The following BLTP3B variants were observed in gnomAD, a reference collection of about 807,000 sequenced individuals.
BLTP3B encodes the protein UHRF1 (ICBP90) binding protein 1-like.
chr12:100,138,705 AGCACAGTAT>A, the BLTP3B span, among the ~76,000 whole-genome samples: 1 of 152,252 alleles, frequency 6.6e-6, no homozygotes, highest in African/African-American at 2.4e-5. Context: ...CCTTGTGCAG[AGCACAGTAT>A]GCCCTTAGCC....
chr12:100,138,866 T>TACATAC, the BLTP3B span, among the ~76,000 whole-genome samples: 18 of 150,704 alleles, frequency 1.2e-4, no homozygotes, highest in Non-Finnish European at 2.2e-4. Context: ...CACATACACA[T>TACATAC]ACACACACAC....
the BLTP3B span, among the ~76,000 whole-genome samples, chr12:100,060,250 AT>A: frequency 6.6e-6 from 1 of 152,230 alleles, no homozygotes. Context: ...AACTGAAAAA[AT>A]GTTTTAATAT....
At chr12:100,102,887 AG>A in the BLTP3B span, 3 of 1,301,024 alleles carry the variant, frequency 2.3e-6, no homozygotes, top group Non-Finnish European at 3.2e-6. Context: ...ATAAACAATT[AG>A]ATTATTTATT....
At chr12:100,121,699 C>A in the BLTP3B span, among the ~76,000 whole-genome samples, 10 of 152,024 alleles carry the variant, frequency 6.6e-5, no homozygotes, top group African/African-American at 2.2e-4. Flanking sequence ...CGTGGTGGCG[C>A]CCGCCTATAA....
chr12:100,141,760 A>G, the BLTP3B span, among the ~76,000 whole-genome samples: 1 of 152,190 alleles, frequency 6.6e-6, no homozygotes, highest in Non-Finnish European at 1.5e-5. Flanking sequence ...GTGTCTTGAG[A>G]CAAACACGGA....
chr12:100,068,672 G>T, the BLTP3B span, among the ~76,000 whole-genome samples: 2 of 151,898 alleles, frequency 1.3e-5, no homozygotes, highest in African/African-American at 4.8e-5. Flanking sequence ...CACCAAAAAG[G>T]GATTGATGGC....
At chr12:100,075,397 G>A in the BLTP3B span, among the ~76,000 whole-genome samples, 2 of 152,074 alleles carry the variant, frequency 1.3e-5, no homozygotes, top group East Asian at 1.9e-4. Context: ...TAGAAGAAAA[G>A]CTAGGAAATA....
the BLTP3B span, among the ~76,000 whole-genome samples, chr12:100,105,713 A>G: frequency 6.6e-6 from 1 of 152,202 alleles, no homozygotes; most frequent in South Asian, 2.1e-4. Context: ...CTTCTACACA[A>G]CAAAAGAAAT....
chr12:100,089,883 C>A, the BLTP3B span, among the ~76,000 whole-genome samples: 7 of 152,260 alleles, frequency 4.6e-5, no homozygotes, highest in Non-Finnish European at 8.8e-5. Context: ...ATAATTCAAT[C>A]ATGGGGGTGG....
At chr12:100,102,195 C>T in the BLTP3B span, among the ~76,000 whole-genome samples, 17 of 146,684 alleles carry the variant, frequency 1.2e-4, no homozygotes, top group Non-Finnish European at 2.1e-4. Flanking sequence ...CTATAACCTC[C>T]GCCTCCCGGG....
At chr12:100,125,565 T>G in the BLTP3B span, among the ~76,000 whole-genome samples, 3 of 152,084 alleles carry the variant, frequency 2.0e-5, no homozygotes, top group East Asian at 5.8e-4. Context: ...GAAGGATCAC[T>G]TACGCCTGGG....
chr12:100,103,474 T>C, the BLTP3B span, among the ~76,000 whole-genome samples: 74 of 151,798 alleles, frequency 4.9e-4, no homozygotes, highest in South Asian at 0.015. Flanking sequence ...GTTTTATTCA[T>C]GTTCTTGATC....
the BLTP3B span, among the ~76,000 whole-genome samples, chr12:100,055,273 T>G: frequency 6.6e-6 from 1 of 152,234 alleles, no homozygotes; most frequent in Admixed American, 6.5e-5. Context: ...TAGGCTTTGT[T>G]TGCCTCACCT....
chr12:100,052,567 A>G, the BLTP3B span, among the ~76,000 whole-genome samples: 2 of 152,138 alleles, frequency 1.3e-5, no homozygotes, highest in East Asian at 3.9e-4. Flanking sequence ...AGTTTATCAC[A>G]GTAAAGAAAG....
the BLTP3B span, chr12:100,086,372 AG>A: frequency 0.099 from 41,283 of 415,926 alleles, 156 homozygotes; most frequent in East Asian, 0.12. Flanking sequence ...GGAAAAAAAA[AG>A]GGGGGGGGGG....
chr12:100,101,587 T>C, the BLTP3B span, among the ~76,000 whole-genome samples: 1 of 152,220 alleles, frequency 6.6e-6, no homozygotes, highest in African/African-American at 2.4e-5. Flanking sequence ...TGTATAGTTC[T>C]AGATTTAAAT....
the BLTP3B span, among the ~76,000 whole-genome samples, chr12:100,074,623 G>C: frequency 6.7e-6 from 1 of 148,946 alleles, no homozygotes; most frequent in Non-Finnish European, 1.5e-5. Flanking sequence ...CCACACTGCT[G>C]AAAACAATAT....
chr12:100,131,735 C>T, the BLTP3B span, among the ~76,000 whole-genome samples: 2 of 152,076 alleles, frequency 1.3e-5, no homozygotes, highest in Admixed American at 6.6e-5. Context: ...ATGAAAATAA[C>T]CAAAAGTCTT....
At chr12:100,116,229 C>T in the BLTP3B span, among the ~76,000 whole-genome samples, 332 of 150,214 alleles carry the variant, frequency 2.2e-3, 3 homozygotes, top group African/African-American at 7.6e-3. Context: ...GTAATCCTGA[C>T]ACTTTGGGAA....
Sources: allele counts gnomAD v4.1 joint callset (sites outside exome capture counted in the v4.1 genomes callset), GRCh38; gene constraint gnomAD v4.1.1; transcripts MANE v1.5; gene names NCBI Gene and HGNC (gene_info 2026-07-23, HGNC 2026-07-21).